GBE1: variants seen among roughly 807,000 people sequenced by gnomAD.
GBE1 encodes 1,4-alpha-glucan-branching enzyme.
GBE1 carries 70 observed loss-of-function variants against 88.8 expected under a neutral mutation model. That is an observed-to-expected ratio of 0.79 (90% CI 0.65 to 0.96). GBE1 has a LOEUF of 0.96. Ranked by LOEUF, GBE1 falls within the 40% of genes least tolerant of loss-of-function variation. The probability of loss-of-function intolerance (pLI) is 0.00; values close to 1 mark genes in which losing one functional copy is unlikely to be tolerated. For missense variants in GBE1, 872 were observed against 871.0 expected (o/e 1.00, Z -0.01); for synonymous variants, 284 against 300.1 (o/e 0.95, Z 0.56).
intron 2 of GBE1, among the ~76,000 whole-genome samples, chr3:81,695,473 G>A (rs935632982): frequency 6.6e-6 from 1 of 152,214 alleles, no homozygotes; most frequent in Non-Finnish European, 1.5e-5. Context: ...ATTGGTGGTT[G>A]ACAGGGGTTG....
At chr3:81,685,088 A>T (rs1311195921) in intron 2 of GBE1, among the ~76,000 whole-genome samples, 3 of 152,244 alleles carry the variant, frequency 2.0e-5, no homozygotes, top group Non-Finnish European at 4.4e-5. Flanking sequence ...AGACACATAG[A>T]GTAAGAAAAT....
rs546123249 is a variant in GBE1 at position 81,658,517 on chromosome 3, G to C, written c.430-8596C>G. Among the ~76,000 whole-genome samples, 8 of 152,248 alleles carry C rather than the reference G, an allele frequency of 5.3e-5. No homozygotes were observed. In the South Asian group the frequency reaches 1.7e-3, roughly 32 times the overall value. On this transcript the variant is annotated intron_variant, in intron 3 of 15. Transcript: ENST00000429644. ...TAAATAAAGGTCAGTAGTCACTTCT[G>C]AAACCAGGTCCTGACTTAGAATGAT...
chr3:81,579,869 TTC>T (rs1253184446), intron 11 of GBE1, among the ~76,000 whole-genome samples: 1 of 152,138 alleles, frequency 6.6e-6, no homozygotes, highest in Non-Finnish European at 1.5e-5. Context: ...GTGGGCCACT[TTC>T]TCTGTCTCAG....
chr3:81,753,411 T>C (rs1706559448), intron 1 of GBE1, among the ~76,000 whole-genome samples: 1 of 152,240 alleles, frequency 6.6e-6, no homozygotes. Context: ...CATATTTTCC[T>C]TTAATACCTA....
chr3:81,697,683 T>G (rs2107156055), intron 2 of GBE1, among the ~76,000 whole-genome samples: 2 of 152,246 alleles, frequency 1.3e-5, no homozygotes, highest in Middle Eastern at 6.8e-3. Flanking sequence ...CCCAGTTCTC[T>G]TGGGTTTTTG....
chr3:81,723,505 C>A (rs1307308110), intron 1 of GBE1, among the ~76,000 whole-genome samples: 2 of 152,044 alleles, frequency 1.3e-5, no homozygotes, highest in African/African-American at 4.8e-5. Flanking sequence ...AATTTTTTCA[C>A]CTTAGATTTT....
At chr3:81,570,492 A>G (rs1703559384) in intron 12 of GBE1, among the ~76,000 whole-genome samples, 1 of 152,226 alleles carries the variant, frequency 6.6e-6, no homozygotes, top group African/African-American at 2.4e-5. Context: ...TGGATTTCAC[A>G]CAAAGTAAAG....
intron 3 of GBE1, among the ~76,000 whole-genome samples, chr3:81,658,415 G>A (rs934411065): frequency 2.0e-5 from 3 of 152,002 alleles, no homozygotes; most frequent in African/African-American, 7.2e-5. Context: ...ACCAATTAGA[G>A]AATTATAAAT....
In GBE1 at chr3:81,699,620, T is replaced by G. The variant is rs115768210; in HGVS notation, c.313+5824A>C. On this transcript the variant is annotated intron_variant, in intron 2 of 15. Coordinates refer to ENST00000429644, the MANE Select transcript of GBE1 (RefSeq NM_000158.4). ...ATTTGGAGTCTGACGTTCAAGGGCT[T>G]TAAGCATCCAGCATGGGAGAAAGAT... 9.1e-3 allele frequency among the ~76,000 whole-genome samples: 1,389 copies of G among 152,280 alleles called. 20 individuals are homozygous for G. Among genetic ancestry groups the G allele is most frequent in the African/African-American group, 0.028 (1,163 of 41,566 alleles).
chr3:81,513,533 C>G (rs375536385), intron 14 of GBE1, among the ~76,000 whole-genome samples: 3 of 151,128 alleles, frequency 2.0e-5, no homozygotes, highest in African/African-American at 7.3e-5. Context: ...TTTGTCTTCA[C>G]CCATGTAATA....
chr3:81,514,526 G>T (rs546765930), intron 14 of GBE1, among the ~76,000 whole-genome samples: 19 of 151,512 alleles, frequency 1.3e-4, no homozygotes, highest in Admixed American at 2.6e-4. Flanking sequence ...TACATTAATA[G>T]AATTAGAGAT....
At chr3:81,701,635 C>T (rs540717759) in intron 2 of GBE1, among the ~76,000 whole-genome samples, 2 of 152,050 alleles carry the variant, frequency 1.3e-5, no homozygotes, top group South Asian at 2.1e-4. Flanking sequence ...CAATTATGAT[C>T]ACATTTATCC....
At chr3:81,745,186 TG>T (rs1706404606) in intron 1 of GBE1, among the ~76,000 whole-genome samples, 1 of 152,202 alleles carries the variant, frequency 6.6e-6, no homozygotes, top group African/African-American at 2.4e-5. Context: ...ATAGTACAGA[TG>T]TAAGAAAAAG....
intron 7 of GBE1, among the ~76,000 whole-genome samples, chr3:81,607,119 A>G (rs1297078718): frequency 6.6e-6 from 1 of 152,224 alleles, no homozygotes; most frequent in Non-Finnish European, 1.5e-5. Flanking sequence ...AAAGTTGTTT[A>G]GACCTCACAA....
chr3:81,499,332 C>A, intron 14 of GBE1, 105 bp from the exon 15 acceptor site: 1 of 734,422 alleles, frequency 1.4e-6, no homozygotes, highest in Non-Finnish European at 2.5e-6. Context: ...AGTGTTAAAT[C>A]ATAATTTGTG....
At position 81,586,094 on chromosome 3, in the gene GBE1, G is replaced by C; in HGVS notation, c.1333C>G (p.Gln445Glu). 6.3e-7 allele frequency: 1 copy of C among 1,591,398 alleles called. No homozygotes were observed. The highest frequency in any genetic ancestry group is 8.6e-7 in the Non-Finnish European group (1 of 1,163,590). ...AAAATATTTACATGGACTCTTACCT[G>C]AATCCACTTATCTGGAATTGCCATG... ...LAMAIPDKWI[Q>E]LLKEFKDEDW... The change falls in exon 10 of 16, where the codon CAG becomes GAG. Residue 445 changes from glutamine (Q) to glutamate (E), a missense_variant and splice_region_variant. By Grantham distance (29) the Gln-to-Glu change is conservative (BLOSUM62 2). Transcript: ENST00000429644.
intron 7 of GBE1, among the ~76,000 whole-genome samples, chr3:81,612,015 T>C (rs1434881860): frequency 3.3e-5 from 5 of 152,100 alleles, no homozygotes. Flanking sequence ...AAGCAAACAT[T>C]ATTACTAATC....
At chr3:81,624,524 T>C (rs1233808405) in intron 7 of GBE1, among the ~76,000 whole-genome samples, 1 of 152,308 alleles carries the variant, frequency 6.6e-6, no homozygotes, top group East Asian at 1.9e-4. Context: ...AGTCTAGAAA[T>C]GTGTATTCTT....
chr3:81,650,396 A>G (rs184879433), intron 3 of GBE1: 221 of 160,908 alleles, frequency 1.4e-3, no homozygotes, highest in African/African-American at 5.0e-3. Flanking sequence ...TGATTAACAC[A>G]ATGTGCACGC....
Sources: gnomAD v4.1 joint callset for allele counts (sites outside exome capture counted in the v4.1 genomes callset) on GRCh38, gnomAD v4.1.1 for gene constraint, MANE v1.5 for transcripts, NCBI Gene and HGNC (gene_info 2026-07-23, HGNC 2026-07-21) for gene names.